SYT5: variants seen among roughly 807,000 people sequenced by gnomAD.
SYT5 encodes the protein synaptotagmin 5.
Under a neutral mutation model 36.0 loss-of-function variants are expected in SYT5, and 29 were observed. The ratio of observed to expected loss-of-function variants is 0.81; its 90% confidence interval spans 0.60 to 1.10. The LOEUF is 1.10. Among genes scored for constraint, SYT5 ranks in the 50% least tolerant of loss-of-function variants. The pLI is 0.00. For synonymous variants in SYT5, 231 were observed against 227.6 expected, an observed-to-expected ratio of 1.02 and a Z score of -0.14; for missense variants, 512 against 516.0, an observed-to-expected ratio of 0.99 and a Z score of 0.08.
chr19:55,177,995 G>T (rs1483256138), intron 3 of SYT5, among the ~76,000 whole-genome samples: 1 of 152,218 alleles, frequency 6.6e-6, no homozygotes, highest in African/African-American at 2.4e-5. Context: ...CCACCAGACT[G>T]GGAAGTTCTT....
chr19:55,179,189 C>G lies in SYT5; in HGVS notation c.-45-103G>C, dbSNP rs999732981. ...CGCGAACAGCCGCGCAGAAACCGGA[C>G]AGCCACCGCGAGTCATGCTGGGAGT... On this transcript the variant is annotated intron_variant, in intron 1 of 8. Coordinates refer to ENST00000354308, the MANE Select transcript of SYT5 (RefSeq NM_003180.3). The surrounding 1 kb of genome is among the most constrained non-coding windows in gnomAD (Gnocchi z 4.5). 13 of 1,533,720 alleles carry G rather than the reference C, an allele frequency of 8.5e-6. No individual in the cohort carries two copies. Among genetic ancestry groups the G allele is most frequent in the South Asian group, 8.4e-5 (7 of 83,456 alleles).
intron 8 of SYT5, chr19:55,174,050 C>T (rs1012077170): frequency 4.5e-5 from 11 of 245,154 alleles, no homozygotes; most frequent in Admixed American, 3.2e-4. Flanking sequence ...GGGGAGGTCT[C>T]TTTTTCTTAG....
Position 55,172,162 on chromosome 19 carries a change from T to TA in SYT5, c.*1321_*1322insT, listed in dbSNP as rs1051278968. The TA allele has an allele frequency of 6.6e-6, 1 of 152,150 alleles. No individual in the cohort carries two copies. The highest frequency in any genetic ancestry group is 1.5e-5 in the Non-Finnish European group (1 of 68,066). 9.4% of individuals were successfully genotyped at this position (152,150 alleles called of 1,614,324 possible). ...AGGGCCGGGCGCGGTGGCTCACGCC[T>TA]GTAATCCTAGCACATTGGGAGGCCG... is the stretch of plus-strand genomic sequence containing the variant. On this transcript the variant is annotated 3_prime_UTR_variant, in exon 9 of 9. Transcript: ENST00000354308.
intron 2 of SYT5, 84 bp downstream of exon 2, chr19:55,178,879 G>T (rs976000642): frequency 1.6e-6 from 2 of 1,250,096 alleles, no homozygotes; most frequent in South Asian, 3.7e-5. Context: ...CCGCCTGCCC[G>T]AGTACACCCG....
intron 3 of SYT5, 67 bp downstream of exon 3, chr19:55,178,129 C>T: frequency 6.5e-7 from 1 of 1,533,484 alleles, no homozygotes; most frequent in East Asian, 2.3e-5. Context: ...GGACTGGGAC[C>T]AGCTGGGCCA....
At chr19:55,178,895 A>T (rs879733475) in intron 2 of SYT5, 68 bp downstream of exon 2, 32 of 1,380,904 alleles carry the variant, frequency 2.3e-5, no homozygotes, top group Non-Finnish European at 3.0e-5. Flanking sequence ...ACCCGTCCGA[A>T]TCCCGCCCCT....
At chr19:55,177,934 A>C (rs1025483185) in intron 3 of SYT5, among the ~76,000 whole-genome samples, 4 of 152,312 alleles carry the variant, frequency 2.6e-5, no homozygotes, top group Admixed American at 2.6e-4. Context: ...ACCCTGTAGT[A>C]TGGCACATAT....
At chr19:55,176,302 C>CA (rs1176227630) in intron 3 of SYT5, 178 bp from the exon 4 acceptor site, 1 of 771,154 alleles carries the variant, frequency 1.3e-6, no homozygotes, top group East Asian at 2.7e-5. Flanking sequence ...CGTGGTAACA[C>CA]AGATGCAGTA....
chr19:55,175,716 G>T lies in SYT5; in HGVS notation c.533C>A (p.Ala178Asp). Residue 178 changes from alanine (A) to aspartate (D), a missense_variant, in exon 5 of 9, where the codon GCC becomes GAC. Ala to Asp is a moderately radical substitution (Grantham distance 126). Transcript: ENST00000354308. The surrounding 1 kb of genome is among the most constrained non-coding windows in gnomAD (Gnocchi z 4.5). Reference sequence around the variant, plus strand: ...CTGAAGGCAGGAGCTCACCTTGAAGGCGAAGGTCTCCCCAAAGTGAGGGTT... The same window carrying T: ...CTGAAGGCAGGAGCTCACCTTGAAGTCGAAGGTCTCCCCAAAGTGAGGGTT... Reference protein sequence around the residue: ...TLNPHFGETFAFKVPYVELGG... With the variant: ...TLNPHFGETFDFKVPYVELGG... 6.2e-7 allele frequency: 1 copy of T among 1,613,510 alleles called. No individual in the cohort carries two copies. Among genetic ancestry groups the T allele is most frequent in the Middle Eastern group, 1.8e-4 (1 of 5,560 alleles).
At chr19:55,176,345 A>G in intron 3 of SYT5, 2 of 596,724 alleles carry the variant, frequency 3.4e-6, no homozygotes, top group Non-Finnish European at 2.9e-6. Flanking sequence ...GGTGTCTGCT[A>G]TGGGCAGGAA....
In SYT5 at chr19:55,173,380, C is replaced by T. The variant is rs560589881; in HGVS notation, c.*104G>A. 24 of 955,652 alleles carry T rather than the reference C, an allele frequency of 2.5e-5. No individual in the cohort carries two copies. In the East Asian group the frequency reaches 7.0e-4, roughly 28 times the overall value. The allele number at this position is 955,652 out of a possible 1,614,324, so 59.2% of individuals were successfully genotyped here. On this transcript the variant is annotated 3_prime_UTR_variant, in exon 9 of 9. Coordinates refer to ENST00000354308, the MANE Select transcript of SYT5 (RefSeq NM_003180.3). This position sits in a 1 kb window ranked among gnomAD's most constrained non-coding sequence, Gnocchi z 5.4. Reference sequence around the variant, plus strand: ...GGGTGGAAGGTGGGGGGAGGGTAACCGTCAGAGGAAGCTTAAGGGTGGGGC... The same window carrying T: ...GGGTGGAAGGTGGGGGGAGGGTAACTGTCAGAGGAAGCTTAAGGGTGGGGC...
At position 55,179,087 on chromosome 19, in the gene SYT5, C is replaced by G. The variant is rs772346119; in HGVS notation, c.-45-1G>C. 8 of 1,572,038 alleles carry G rather than the reference C, an allele frequency of 5.1e-6. No individual in the cohort carries two copies. Among genetic ancestry groups the G allele is most frequent in the Middle Eastern group, 1.7e-4 (1 of 6,032 alleles). On this transcript the variant is annotated splice_acceptor_variant, in intron 1 of 8. Transcript: ENST00000354308. LOFTEE classifies it low-confidence loss of function (5UTR_SPLICE). The surrounding 1 kb of genome is among the most constrained non-coding windows in gnomAD (Gnocchi z 4.5). Reference sequence around the variant, plus strand: ...TTTTCTGCAGAGACACTCAAGCACCCTAGTCCCCCATTCCCACCCCAGACG... The same window carrying G: ...TTTTCTGCAGAGACACTCAAGCACCGTAGTCCCCCATTCCCACCCCAGACG...
At chr19:55,178,921 G>T in intron 2 of SYT5, 42 bp downstream of exon 2, 1 of 1,436,740 alleles carries the variant, frequency 7.0e-7, no homozygotes, top group Non-Finnish European at 9.1e-7. Context: ...TCCTGGCCAG[G>T]CTTTCTCTCT....
chr19:55,176,195 A>G (rs2086075470), intron 3 of SYT5, 71 bp from the exon 4 acceptor site: 10 of 1,604,598 alleles, frequency 6.2e-6, no homozygotes, highest in Non-Finnish European at 8.5e-6. Context: ...TCAGAAGCCA[A>G]GGGAGGCTCA....
Position 55,179,371 on chromosome 19 carries a change from G to A in SYT5, c.-45-285C>T, listed in dbSNP as rs1050480864. ...TCTGAACCGGAAGCGGGCGAAGGCAGACGTGGGAACCAGCAGACCGCGTTG... is the reference window on the plus strand; with the variant it reads ...TCTGAACCGGAAGCGGGCGAAGGCAAACGTGGGAACCAGCAGACCGCGTTG... On this transcript the variant is annotated intron_variant, in intron 1 of 8. Transcript: ENST00000354308. The surrounding 1 kb of genome is among the most constrained non-coding windows in gnomAD (Gnocchi z 4.5). The A allele has an allele frequency of 1.3e-6, 1 of 758,530 alleles. No individual in the cohort carries two copies. The highest frequency in any genetic ancestry group is 4.1e-5 in the Admixed American group (1 of 24,152). The allele number at this position is 758,530 out of a possible 1,614,324, so 47.0% of individuals were successfully genotyped here.
At position 55,179,341 on chromosome 19, in the gene SYT5, C is replaced by T. The variant is rs1217580028; in HGVS notation, c.-45-255G>A. ...CTTCTGCCTCGTCCTCGCCCCTCCG[C>T]AGGGTCTGAACCGGAAGCGGGCGAA... On this transcript the variant is annotated intron_variant, in intron 1 of 8. Coordinates refer to ENST00000354308, the MANE Select transcript of SYT5 (RefSeq NM_003180.3). The surrounding 1 kb of genome is among the most constrained non-coding windows in gnomAD (Gnocchi z 4.5). 4.5e-6 allele frequency: 5 copies of T among 1,109,806 alleles called. No homozygotes were observed. The highest frequency in any genetic ancestry group is 6.0e-6 in the Non-Finnish European group (5 of 838,972). The allele number at this position is 1,109,806 out of a possible 1,614,324, so 68.7% of individuals were successfully genotyped here. A position where few individuals can be genotyped will look rare whatever the true frequency, so the allele number is the denominator to read the frequency against.
chr19:55,175,143 T>TGGCTCGGGGCGC lies in SYT5; in HGVS notation c.708+17_708+28dup. 6.3e-7 allele frequency: 1 copy of TGGCTCGGGGCGC among 1,578,628 alleles called. No homozygotes were observed. The highest frequency in any genetic ancestry group is 8.6e-7 in the Non-Finnish European group (1 of 1,167,174). On this transcript the variant is annotated intron_variant, in intron 6 of 8. Coordinates refer to ENST00000354308, the MANE Select transcript of SYT5 (RefSeq NM_003180.3). The surrounding 1 kb of genome is among the most constrained non-coding windows in gnomAD (Gnocchi z 4.5). ...GTGGGCGGGACTGGGCCTGGGGGCG[T>TGGCTCGGGGCGC]GGCTCGGGGCGCGACCGCGCATGCT...
At position 55,179,574 on chromosome 19, in the gene SYT5, C is replaced by T; in HGVS notation, c.-45-488G>A. The T allele has an allele frequency of 5.4e-6, 1 of 185,340 alleles. No individual in the cohort carries two copies. Among genetic ancestry groups the T allele is most frequent in the East Asian group, 1.3e-4 (1 of 7,588 alleles). The allele number at this position is 185,340 out of a possible 1,614,324, so 11.5% of individuals were successfully genotyped here. On this transcript the variant is annotated intron_variant, in intron 1 of 8. Coordinates refer to ENST00000354308, the MANE Select transcript of SYT5 (RefSeq NM_003180.3). The surrounding 1 kb of genome is among the most constrained non-coding windows in gnomAD (Gnocchi z 4.5). Reference sequence around the variant, plus strand: ...ACCCCCCAATAGCCCGACTGGGATCCTGAGGTCCCGCGAGGTGGGGAGCGG... The same window carrying T: ...ACCCCCCAATAGCCCGACTGGGATCTTGAGGTCCCGCGAGGTGGGGAGCGG...
chr19:55,174,606 G>T lies in SYT5; in HGVS notation c.871C>A (p.Arg291=). 5.0e-6 allele frequency: 8 copies of T among 1,614,054 alleles called. No homozygotes were observed. The highest frequency in any genetic ancestry group is 6.8e-6 in the Non-Finnish European group (8 of 1,179,986). ...VHLLQGGKKV[R]KKKTTIKKNT... ...TTCTTGATGGTGGTTTTCTTCTTCC[G>T]CACCTTTTTGCCGCCCTGCAGCAGG... The change falls in exon 8 of 9, where the codon CGG becomes AGG. Residue 291 remains arginine, a synonymous_variant. Transcript: ENST00000354308.
Sources: gnomAD v4.1 joint callset for allele counts (sites outside exome capture counted in the v4.1 genomes callset) on GRCh38, gnomAD v4.1.1 for gene constraint, Gnocchi (gnomAD v3.1) non-coding constraint, MANE v1.5 for transcripts, NCBI Gene and HGNC (gene_info 2026-07-23, HGNC 2026-07-21) for gene names.